RASEF: variants seen among roughly 807,000 people sequenced by gnomAD.
RASEF encodes the protein RAS and EF-hand domain containing, also known as ras and EF-hand domain-containing protein.
A neutral mutation model predicts 90.1 loss-of-function variants in RASEF; 68 were observed. The ratio of observed to expected loss-of-function variants is 0.75; its 90% CI spans 0.62 to 0.92. The LOEUF is 0.92. Among genes scored for constraint, RASEF ranks in the 40% least tolerant of loss-of-function variants. The pLI, the probability that RASEF is intolerant of heterozygous loss-of-function variation, is 0.00. For missense variants in RASEF, 949 were observed against 937.2 expected, an observed-to-expected ratio of 1.01 and a Z score of -0.16; for synonymous variants, 331 against 345.2, an observed-to-expected ratio of 0.96 and a Z score of 0.46.
the RASEF span, among the ~76,000 whole-genome samples, chr9:83,073,717 G>C: frequency 8.2e-3 from 1,251 of 152,286 alleles, 17 homozygotes; most frequent in African/African-American, 0.029. Context: ...ATTCCTTCTA[G>C]AGCTATCTGA....
intron 1 of RASEF, among the ~76,000 whole-genome samples, chr9:83,044,367 G>C (rs1166274262): frequency 6.6e-6 from 1 of 152,148 alleles, no homozygotes; most frequent in Non-Finnish European, 1.5e-5. Flanking sequence ...GAGGTGCTCA[G>C]TTTGAAGTTA....
chr9:83,107,915 A>T, the RASEF span, among the ~76,000 whole-genome samples: 1 of 152,214 alleles, frequency 6.6e-6, no homozygotes, highest in Non-Finnish European at 1.5e-5. Context: ...TTAAAAATCT[A>T]TCTGTTGAAA....
upstream of RASEF, among the ~76,000 whole-genome samples, chr9:83,067,929 G>A (rs1830295294): frequency 6.6e-6 from 1 of 152,164 alleles, no homozygotes; most frequent in Non-Finnish European, 1.5e-5. Context: ...AGGCTGGAGT[G>A]CAGTGGTGTG....
chr9:83,017,322 A>G (rs1829359226), intron 3 of RASEF, among the ~76,000 whole-genome samples: 1 of 138,414 alleles, frequency 7.2e-6, no homozygotes, highest in Non-Finnish European at 1.6e-5. Flanking sequence ...CGTCTCTACT[A>G]AAAAAAAAAA....
the RASEF span, among the ~76,000 whole-genome samples, chr9:83,107,527 T>C: frequency 6.6e-6 from 1 of 152,178 alleles, no homozygotes; most frequent in Non-Finnish European, 1.5e-5. Context: ...TTATTTCCCA[T>C]TTTCATCAAT....
the RASEF span, among the ~76,000 whole-genome samples, chr9:83,085,094 G>T: frequency 6.6e-6 from 1 of 152,044 alleles, no homozygotes; most frequent in African/African-American, 2.4e-5. Context: ...GTAGGTACAA[G>T]AACATCATTC....
At position 83,000,308 on chromosome 9, in the gene RASEF, C is replaced by T; in HGVS notation, c.1584G>A (p.Leu528=). The part of the protein sequence containing the change: ...PISALSPQTD[L]VDDNAKSFSS... ...TAAAAGATTTAGCGTTGTCATCTAC[C>T]AGGTCTGTCTGGGGGGAAAAGCCAC... is the stretch of plus-strand genomic sequence containing the variant. The change falls in exon 12 of 17, where the codon CTG becomes CTA. Residue 528 remains leucine (L), a synonymous_variant. Transcript: ENST00000376447. 6.2e-7 allele frequency: 1 copy of T among 1,613,652 alleles called. No homozygotes were observed. The highest frequency in any genetic ancestry group is 8.5e-7 in the Non-Finnish European group (1 of 1,179,878).
chr9:83,112,290 C>T, the RASEF span, among the ~76,000 whole-genome samples: 1 of 152,136 alleles, frequency 6.6e-6, no homozygotes, highest in Admixed American at 6.5e-5. Flanking sequence ...AAGACTCTAT[C>T]TTAAGATTTT....
intron 15 of RASEF, among the ~76,000 whole-genome samples, chr9:82,991,512 C>T (rs1828814390): frequency 6.6e-6 from 1 of 152,020 alleles, no homozygotes; most frequent in African/African-American, 2.4e-5. Flanking sequence ...CTGTGTGGGA[C>T]AAGGGAAGGA....
At chr9:82,991,283 C>G (rs1828809414) in intron 15 of RASEF, among the ~76,000 whole-genome samples, 2 of 152,144 alleles carry the variant, frequency 1.3e-5, no homozygotes, top group African/African-American at 2.4e-5. Flanking sequence ...TTAGGTAATC[C>G]TTCCTTGCAG....
chr9:83,063,581 C>T (rs1188262892), upstream of RASEF, among the ~76,000 whole-genome samples: 5 of 152,202 alleles, frequency 3.3e-5, no homozygotes, highest in Non-Finnish European at 7.3e-5. Context: ...CATTTTTGTG[C>T]GTCTAACGTT....
chr9:83,212,224 T>A, the RASEF span, among the ~76,000 whole-genome samples: 4 of 152,220 alleles, frequency 2.6e-5, no homozygotes, highest in Non-Finnish European at 5.9e-5. Flanking sequence ...CAAGGTCACA[T>A]AGCTGTAGAT....
chr9:82,985,100 T>C (rs979532074), intron 16 of RASEF, among the ~76,000 whole-genome samples: 1 of 152,196 alleles, frequency 6.6e-6, no homozygotes. Context: ...CAGATTATCA[T>C]TCATTTGGGA....
the RASEF span, among the ~76,000 whole-genome samples, chr9:83,187,474 A>G: frequency 6.6e-6 from 1 of 152,148 alleles, no homozygotes; most frequent in East Asian, 1.9e-4. Flanking sequence ...GTAGCTTTAC[A>G]GTGACCTTGA....
intron 1 of RASEF, among the ~76,000 whole-genome samples, chr9:83,031,649 C>T (rs1030504632): frequency 6.6e-6 from 1 of 152,110 alleles, no homozygotes; most frequent in Non-Finnish European, 1.5e-5. Flanking sequence ...TACATACCTC[C>T]ATTTAGGAAA....
intron 1 of RASEF, among the ~76,000 whole-genome samples, chr9:83,032,691 A>C (rs1190514452): frequency 1.3e-5 from 2 of 152,230 alleles, no homozygotes; most frequent in African/African-American, 4.8e-5. Flanking sequence ...TTCACAACTT[A>C]AAATTTTTAA....
chr9:83,190,936 G>T, the RASEF span, among the ~76,000 whole-genome samples: 8 of 152,126 alleles, frequency 5.3e-5, no homozygotes, highest in Admixed American at 4.6e-4. Flanking sequence ...TTTTGGAAAC[G>T]CTAGGATTAT....
At position 82,982,085 on chromosome 9, in the gene RASEF, T is replaced by C. The variant is rs1357229782; in HGVS notation, c.*592A>G. 6.6e-6 allele frequency: 1 copy of C among 152,256 alleles called. No homozygotes were observed. The highest frequency in any genetic ancestry group is 1.5e-5 in the Non-Finnish European group (1 of 68,054). The allele number at this position is 152,256 out of a possible 1,614,324, so 9.4% of individuals were successfully genotyped here. A position where few individuals can be genotyped will look rare whatever the true frequency, so the allele number is the denominator to read the frequency against. On this transcript the variant is annotated 3_prime_UTR_variant, in exon 17 of 17. Transcript: ENST00000376447. ...AAAGCAGGAATAACCATAGTTCTAT[T>C]ATTAACTGTGGGCCACCACACTCTC...
the RASEF span, among the ~76,000 whole-genome samples, chr9:83,096,876 T>C: frequency 6.6e-6 from 1 of 150,662 alleles, no homozygotes; most frequent in Non-Finnish European, 1.5e-5. Context: ...AGTGAGAACA[T>C]GCAGTGTTTG....
Sources: gnomAD v4.1 joint callset for allele counts (sites outside exome capture counted in the v4.1 genomes callset) on GRCh38, gnomAD v4.1.1 for gene constraint, MANE v1.5 for transcripts, NCBI Gene and HGNC (gene_info 2026-07-23, HGNC 2026-07-21) for gene names.